Variants in ARAP2 observed in about 807,000 individuals in gnomAD.
ARAP2 encodes the protein arf-GAP with Rho-GAP domain, ANK repeat and PH domain-containing protein 2.
A neutral mutation model predicts 194.5 loss-of-function variants in ARAP2; 148 were observed. The observed-to-expected ratio is 0.76, with a 90% CI of 0.67 to 0.87. ARAP2 has a LOEUF of 0.87. ARAP2 is among the 40% of genes least tolerant of loss of function. The probability of loss-of-function intolerance (pLI) is 0.00; values close to 1 mark genes in which losing one functional copy is unlikely to be tolerated. For missense variants in ARAP2, 2,128 were observed against 1,989.7 expected (o/e 1.07, Z -1.32); for synonymous variants, 695 against 683.5 (o/e 1.02, Z -0.26).
chr4:36,182,582 C>T (rs144647538), intron 8 of ARAP2, among the ~76,000 whole-genome samples: 2 of 152,028 alleles, frequency 1.3e-5, no homozygotes, highest in Admixed American at 6.6e-5. Context: ...ATTTGACCTT[C>T]GTATTAAATA....
intron 8 of ARAP2, among the ~76,000 whole-genome samples, chr4:36,183,983 C>A (rs901068726): frequency 2.0e-5 from 3 of 152,120 alleles, no homozygotes; most frequent in Non-Finnish European, 4.4e-5. Context: ...CAAAACTTTC[C>A]CCTTTTTGTT....
At chr4:36,142,123 A>T (rs958401243) in intron 19 of ARAP2, among the ~76,000 whole-genome samples, 4 of 151,632 alleles carry the variant, frequency 2.6e-5, no homozygotes, top group African/African-American at 7.3e-5. Context: ...AAGCTCAGGG[A>T]TCATCACTCT....
chr4:36,170,972 G>A (rs1736481255), intron 9 of ARAP2, among the ~76,000 whole-genome samples: 1 of 152,066 alleles, frequency 6.6e-6, no homozygotes, highest in African/African-American at 2.4e-5. Context: ...GGTGGTAGGG[G>A]TACTGAATCC....
At chr4:36,050,327 CTTTAG>C (rs1440063780) in intron 3 of ARAP2, among the ~76,000 whole-genome samples, 1 of 152,162 alleles carries the variant, frequency 6.6e-6, no homozygotes, top group African/African-American at 2.4e-5. Flanking sequence ...ATTGTTTTAC[CTTTAG>C]GTTTAGCCAA....
intron 6 of ARAP2, among the ~76,000 whole-genome samples, chr4:36,197,094 G>C (rs925664748): frequency 6.6e-6 from 1 of 150,454 alleles, no homozygotes; most frequent in African/African-American, 2.5e-5. Context: ...TCTTTTTCTT[G>C]AGCCTTCCTT....
At chr4:36,163,874 C>T (rs139691682) in intron 11 of ARAP2, among the ~76,000 whole-genome samples, 322 of 152,252 alleles carry the variant, frequency 2.1e-3, no homozygotes, top group Admixed American at 5.8e-3. Flanking sequence ...GATTCACTGG[C>T]ATTTTTTGTT....
intron 12 of ARAP2, among the ~76,000 whole-genome samples, chr4:36,161,053 G>A (rs775871377): frequency 2.6e-5 from 4 of 151,964 alleles, no homozygotes; most frequent in African/African-American, 7.3e-5. Flanking sequence ...TAATGACAGA[G>A]TACGGCCAAG....
intron 2 of ARAP2, among the ~76,000 whole-genome samples, chr4:36,222,813 T>C (rs1342086840): frequency 1.3e-5 from 2 of 152,102 alleles, no homozygotes; most frequent in Non-Finnish European, 2.9e-5. Context: ...TTATAAATAA[T>C]TTTGTCTTAA....
chr4:36,189,227 T>C (rs897038511), intron 7 of ARAP2, among the ~76,000 whole-genome samples: 2 of 152,180 alleles, frequency 1.3e-5, no homozygotes, highest in Non-Finnish European at 2.9e-5. Context: ...TCTCTCCCTA[T>C]AAAAATCCTT....
At chr4:36,150,489 T>C (rs1477034104) in intron 16 of ARAP2, among the ~76,000 whole-genome samples, 1 of 151,828 alleles carries the variant, frequency 6.6e-6, no homozygotes, top group Non-Finnish European at 1.5e-5. Context: ...CCACTAAAAA[T>C]ACAAAAATTA....
At chr4:36,109,179 T>C (rs1719196421) in intron 26 of ARAP2, among the ~76,000 whole-genome samples, 1 of 151,916 alleles carries the variant, frequency 6.6e-6, no homozygotes, top group Non-Finnish European at 1.5e-5. Context: ...AAATTGTCTG[T>C]TTCCAATGTA....
At chr4:36,102,520 C>T (rs1717232124) in intron 27 of ARAP2, among the ~76,000 whole-genome samples, 2 of 151,846 alleles carry the variant, frequency 1.3e-5, no homozygotes, top group South Asian at 2.1e-4. Context: ...TAAAATATAG[C>T]CTTGTTAAAG....
intron 9 of ARAP2, among the ~76,000 whole-genome samples, chr4:36,168,012 C>CAA (rs201722225): frequency 8.3e-6 from 1 of 120,412 alleles, no homozygotes; most frequent in Non-Finnish European, 1.8e-5. Context: ...AGGCAAAATA[C>CAA]AAAAAAAAAA....
intron 28 of ARAP2, among the ~76,000 whole-genome samples, chr4:36,091,347 A>G (rs540548646): frequency 6.6e-6 from 1 of 152,136 alleles, no homozygotes; most frequent in Non-Finnish European, 1.5e-5. Flanking sequence ...TATATCTCTA[A>G]TTCTCTTATC....
In ARAP2 at chr4:36,121,218, T is replaced by G. The variant is rs1403539676; in HGVS notation, c.3855A>C (p.Val1285=). ...CATAATTATTAATTAGGTCCTCAAT[T>G]ACATTCACTTCTTCACTAGTTTGTC... ...TKGQTSEEVN[V]IEDLINNYVE... Residue 1285 remains valine, a synonymous_variant, in exon 23 of 33, where the codon GTA becomes GTC. Transcript: ENST00000303965. 1.9e-6 allele frequency: 3 copies of G among 1,604,836 alleles called. No homozygotes were observed. The Admixed American group carries it at 5.1e-5, about 27-fold the overall frequency.
chr4:36,119,739 G>T, intron 23 of ARAP2, 21 bp from the exon 24 acceptor site: 1 of 1,525,608 alleles, frequency 6.6e-7, no homozygotes. Flanking sequence ...TATAATTCGG[G>T]ACATTCTAAT....
At chr4:36,109,566 G>T (rs1719304540) in intron 26 of ARAP2, among the ~76,000 whole-genome samples, 1 of 151,814 alleles carries the variant, frequency 6.6e-6, no homozygotes, top group African/African-American at 2.4e-5. Context: ...CTAAAAGATT[G>T]GGAAAAGATC....
At chr4:36,059,802 T>C (rs911239779) in intron 1 of ARAP2, among the ~76,000 whole-genome samples, 5 of 152,098 alleles carry the variant, frequency 3.3e-5, no homozygotes, top group African/African-American at 1.2e-4. Flanking sequence ...TAAAATGCTG[T>C]AGATGGTGAT....
chr4:36,065,921 T>TA (rs1328675152), downstream of ARAP2: 2 of 152,228 alleles, frequency 1.3e-5, no homozygotes, highest in Non-Finnish European at 2.9e-5. Flanking sequence ...CAAATTTTTT[T>TA]AAAAAGAAAA....
Sources: allele counts gnomAD v4.1 joint callset (sites outside exome capture counted in the v4.1 genomes callset), GRCh38; gene constraint gnomAD v4.1.1; transcripts MANE v1.5; gene names NCBI Gene and HGNC (gene_info 2026-07-23, HGNC 2026-07-21).